The following SLC22A23 variants were observed in gnomAD, a reference collection of about 807,000 sequenced individuals.
SLC22A23 encodes ion transporter protein.
A neutral mutation model predicts 61.0 loss-of-function variants in SLC22A23; 26 were observed. That is an observed-to-expected ratio of 0.43 (90% confidence interval 0.31 to 0.59). The LOEUF is 0.59. Ranked by LOEUF, SLC22A23 falls within the 20% of genes least tolerant of loss-of-function variation. The probability of loss-of-function intolerance (pLI) is 0.11; values close to 1 mark genes in which losing one functional copy is unlikely to be tolerated. For synonymous variants in SLC22A23, 430 were observed against 413.9 expected, an observed-to-expected ratio of 1.04 and a Z score of -0.47; for missense variants, 796 against 934.7, an observed-to-expected ratio of 0.85 and a Z score of 1.94.
At chr6:3,311,479 T>C (rs1406823074) in intron 4 of SLC22A23, among the ~76,000 whole-genome samples, 5 of 152,214 alleles carry the variant, frequency 3.3e-5, no homozygotes, top group East Asian at 1.9e-4. Flanking sequence ...CTCAAAACTT[T>C]TGCACAAAAT....
intron 7 of SLC22A23, among the ~76,000 whole-genome samples, chr6:3,285,568 G>C (rs751656795): frequency 1.3e-5 from 2 of 151,792 alleles, no homozygotes; most frequent in African/African-American, 4.8e-5. Context: ...CACAACACCC[G>C]GGGGCTGAGG....
intron 1 of SLC22A23, among the ~76,000 whole-genome samples, chr6:3,449,806 A>C (rs1026344726): frequency 6.6e-6 from 1 of 152,182 alleles, no homozygotes; most frequent in African/African-American, 2.4e-5. Context: ...CACTTCTAAA[A>C]ATTTCTTACA....
At chr6:3,448,807 T>C (rs1190114671) in intron 1 of SLC22A23, among the ~76,000 whole-genome samples, 2 of 152,200 alleles carry the variant, frequency 1.3e-5, no homozygotes, top group African/African-American at 4.8e-5. Context: ...ACCATGTTTT[T>C]AAATGACACC....
At chr6:3,369,350 T>G (rs779731977) in intron 3 of SLC22A23, among the ~76,000 whole-genome samples, 8 of 152,196 alleles carry the variant, frequency 5.3e-5, no homozygotes, top group Non-Finnish European at 1.2e-4. Flanking sequence ...GGTAGTAGTA[T>G]CCACATCCAC....
intron 1 of SLC22A23, among the ~76,000 whole-genome samples, chr6:3,432,592 C>A (rs1770940793): frequency 2.0e-5 from 3 of 152,142 alleles, no homozygotes; most frequent in Admixed American, 1.3e-4. Flanking sequence ...AAACTGTTAT[C>A]CTAATAAAAG....
chr6:3,334,483 C>T (rs1763743630), intron 3 of SLC22A23, among the ~76,000 whole-genome samples: 1 of 151,846 alleles, frequency 6.6e-6, no homozygotes, highest in Non-Finnish European at 1.5e-5. Context: ...TTTTAACCAA[C>T]AGCAGGCATG....
chr6:3,290,619 C>T (rs1760493917), intron 5 of SLC22A23: 1 of 153,124 alleles, frequency 6.5e-6, no homozygotes, highest in South Asian at 2.1e-4. Flanking sequence ...GCTCTGAAAG[C>T]CCCTCTGAAG....
In SLC22A23 at chr6:3,271,215, A is replaced by C. The variant is rs1758451664; in HGVS notation, c.*1840T>G. Reference sequence around the variant, plus strand: ...ACTAATGTTGAAACATGGAAATGTGACTTTAAAAAAGAGGGAAGGTGAGGA... The same window carrying C: ...ACTAATGTTGAAACATGGAAATGTGCCTTTAAAAAAGAGGGAAGGTGAGGA... On this transcript the variant is annotated 3_prime_UTR_variant, in exon 10 of 10. Transcript: ENST00000406686. 1 of 128,480 alleles carries C rather than the reference A, an allele frequency of 7.8e-6. No homozygotes were observed. The highest frequency in any genetic ancestry group is 1.7e-5 in the Non-Finnish European group (1 of 60,596). 8.0% of individuals were successfully genotyped at this position (128,480 alleles called of 1,614,324 possible). A position where few individuals can be genotyped will look rare whatever the true frequency, so the allele number is the denominator to read the frequency against.
At chr6:3,435,729 T>C (rs1771165657) in intron 1 of SLC22A23, among the ~76,000 whole-genome samples, 1 of 152,168 alleles carries the variant, frequency 6.6e-6, no homozygotes, top group South Asian at 2.1e-4. Context: ...TAACAAGATA[T>C]GCTGGAATCC....
rs1046661437 is a variant in SLC22A23 at position 3,414,755 on chromosome 6, A to G, written c.758+997T>C. ...AAAAAAAAAAAAAAATCCTTTAAAG[A>G]TAAAAGAATGTAAGCTGGGGAGACA... On this transcript the variant is annotated intron_variant, in intron 2 of 9. Transcript: ENST00000406686. This position sits in a 1 kb window ranked among gnomAD's most constrained non-coding sequence, Gnocchi z 5.1. Among the ~76,000 whole-genome samples the G allele has an allele frequency of 1.3e-5, 2 of 150,910 alleles. No homozygotes were observed. The highest frequency in any genetic ancestry group is 2.4e-5 in the African/African-American group (1 of 41,056).
chr6:3,430,064 C>T (rs971433343), intron 1 of SLC22A23, among the ~76,000 whole-genome samples: 1 of 152,062 alleles, frequency 6.6e-6, no homozygotes, highest in Non-Finnish European at 1.5e-5. Context: ...CCCACACGCA[C>T]ACACAAAAAA....
intron 9 of SLC22A23, among the ~76,000 whole-genome samples, chr6:3,280,372 T>G (rs1003811336): frequency 2.0e-5 from 3 of 151,988 alleles, no homozygotes; most frequent in African/African-American, 7.3e-5. Context: ...CACCCTCCCC[T>G]CATCCTGCCC....
intron 1 of SLC22A23, among the ~76,000 whole-genome samples, chr6:3,438,156 C>A (rs2127547273): frequency 6.6e-6 from 1 of 152,226 alleles, no homozygotes; most frequent in East Asian, 1.9e-4. Context: ...GCTAGAGGCA[C>A]CAAGAACATC....
Position 3,398,910 on chromosome 6 carries a change from T to C in SLC22A23, c.913+11278A>G, listed in dbSNP as rs532931998. Among the ~76,000 whole-genome samples, 29 of 152,156 alleles carry C rather than the reference T, an allele frequency of 1.9e-4. 1 individual carries two copies. In the South Asian group the frequency reaches 5.8e-3, roughly 31 times the overall value. ...CAGGCACGGTGGTGCATGCCTGTGGTCTCTGATACTCAGGAGGCTGAGGCG... is the reference window on the plus strand; with the variant it reads ...CAGGCACGGTGGTGCATGCCTGTGGCCTCTGATACTCAGGAGGCTGAGGCG... On this transcript the variant is annotated intron_variant, in intron 3 of 9. Transcript: ENST00000406686.
Position 3,390,681 on chromosome 6 carries a change from C to T in SLC22A23, c.913+19507G>A, listed in dbSNP as rs1767606866. Among the ~76,000 whole-genome samples, 1 of 152,222 alleles carries T rather than the reference C, an allele frequency of 6.6e-6. No individual in the cohort carries two copies. Among genetic ancestry groups the T allele is most frequent in the South Asian group, 2.1e-4 (1 of 4,834 alleles). On this transcript the variant is annotated intron_variant, in intron 3 of 9. Transcript: ENST00000406686. The surrounding 1 kb of genome is among the most constrained non-coding windows in gnomAD (Gnocchi z 4.0). ...ATGGATCAGTTCAATGCACCAAAAG[C>T]TGGCTGCCACTCAGCATCTCTGAGC...
At chr6:3,310,561 G>A (rs1231483225) in intron 4 of SLC22A23, among the ~76,000 whole-genome samples, 3 of 152,226 alleles carry the variant, frequency 2.0e-5, no homozygotes, top group African/African-American at 4.8e-5. Context: ...TAAGTCTCAA[G>A]CCCGTCTGAT....
At chr6:3,373,367 G>A (rs2127465396) in intron 3 of SLC22A23, among the ~76,000 whole-genome samples, 1 of 152,334 alleles carries the variant, frequency 6.6e-6, no homozygotes, top group South Asian at 2.1e-4. Context: ...CCCCTTTGCT[G>A]ATTTTGCTCT....
intron 3 of SLC22A23, among the ~76,000 whole-genome samples, chr6:3,379,612 T>A (rs1260291697): frequency 6.6e-6 from 1 of 152,196 alleles, no homozygotes; most frequent in Non-Finnish European, 1.5e-5. Flanking sequence ...AACAAACATT[T>A]TGGGGACTGA....
rs147180125 is a variant in SLC22A23, at chr6:3,319,462, CAT to C, written c.1082+4370_1082+4371del. Among the ~76,000 whole-genome samples the C allele has an allele frequency of 9.0e-3, 1,377 of 152,218 alleles. 14 individuals carry two copies. The highest frequency in any genetic ancestry group is 0.031 in the African/African-American group (1,283 of 41,476). ...TAGCACTATTTAAAAGCATGTTCCT[CAT>C]GTGTGTGTGGGTTCTTCAGGCTCCC... On this transcript the variant is annotated intron_variant, in intron 4 of 9. Coordinates refer to ENST00000406686, the MANE Select transcript of SLC22A23 (RefSeq NM_015482.2).
Sources: gnomAD v4.1 joint callset for allele counts (sites outside exome capture counted in the v4.1 genomes callset) on GRCh38, gnomAD v4.1.1 for gene constraint, Gnocchi (gnomAD v3.1) non-coding constraint, MANE v1.5 for transcripts, NCBI Gene and HGNC (gene_info 2026-07-23, HGNC 2026-07-21) for gene names.